Variants in PDE1C observed in about 807,000 individuals in gnomAD.
PDE1C encodes the protein dual specificity calcium/calmodulin-dependent 3',5'-cyclic nucleotide phosphodiesterase 1C.
In PDE1C, 62 loss-of-function variants were observed where a neutral mutation model predicts 93.1. That is an observed-to-expected ratio of 0.67 (90% CI 0.54 to 0.82). The LOEUF (loss-of-function observed/expected upper bound fraction) is 0.82. Among genes scored for constraint, PDE1C ranks in the 40% least tolerant of loss-of-function variants. The pLI, the probability that PDE1C is intolerant of heterozygous loss-of-function variation, is 0.00. For synonymous variants in PDE1C, 325 were observed against 310.1 expected (o/e 1.05, Z -0.50); for missense variants, 742 against 884.6 (o/e 0.84, Z 2.04).
chr7:32,338,778 C>T (rs553394868), intron 1 of PDE1C, among the ~76,000 whole-genome samples: 114 of 152,156 alleles, frequency 7.5e-4, no homozygotes, highest in African/African-American at 2.3e-3. Context: ...CCGAGGTGGG[C>T]GGATCACGAG....
chr7:31,993,091 T>C (rs1414671774), intron 2 of PDE1C, among the ~76,000 whole-genome samples: 3 of 152,216 alleles, frequency 2.0e-5, no homozygotes, highest in African/African-American at 7.2e-5. Context: ...TTTTGTGATG[T>C]CTTTCTTCCA....
At chr7:32,245,879 C>T (rs1173679641) in intron 1 of PDE1C, among the ~76,000 whole-genome samples, 1 of 152,098 alleles carries the variant, frequency 6.6e-6, no homozygotes, top group Non-Finnish European at 1.5e-5. Context: ...AGGACTCTGC[C>T]CTACTTATCC....
In PDE1C at chr7:32,097,260, T is replaced by C. The variant is rs148040189; in HGVS notation, c.308+72525A>G. ...AGAGTCAGTACAGTATTTGGCCAGA[T>C]GTCTAGGCACTGCACAGCCCAGTAA... On this transcript the variant is annotated intron_variant, in intron 3 of 18. Transcript: ENST00000396193. 6.3e-4 allele frequency among the ~76,000 whole-genome samples: 96 copies of C among 152,342 alleles called. 1 individual carries two copies. Among genetic ancestry groups the C allele is most frequent in the Admixed American group, 2.2e-3 (34 of 15,310 alleles).
intron 2 of PDE1C, among the ~76,000 whole-genome samples, chr7:32,033,128 G>A (rs893837074): frequency 3.9e-5 from 6 of 152,126 alleles, no homozygotes; most frequent in African/African-American, 1.4e-4. Flanking sequence ...AAGGCAGAAG[G>A]GAAGGGGCAG....
At chr7:32,282,159 A>AG (rs1200594691) in intron 1 of PDE1C, among the ~76,000 whole-genome samples, 1 of 145,910 alleles carries the variant, frequency 6.9e-6, no homozygotes, top group East Asian at 2.0e-4. Flanking sequence ...AAGTATAATA[A>AG]AAAAAAAAAA....
the PDE1C span, among the ~76,000 whole-genome samples, chr7:31,625,895 C>T: frequency 6.6e-6 from 1 of 151,670 alleles, no homozygotes; most frequent in African/African-American, 2.4e-5. Flanking sequence ...AAAATTGAAA[C>T]ATTGTATTTC....
At chr7:32,204,233 A>G (rs1427817326) in intron 2 of PDE1C, among the ~76,000 whole-genome samples, 1 of 152,244 alleles carries the variant, frequency 6.6e-6, no homozygotes, top group Non-Finnish European at 1.5e-5. Flanking sequence ...TATTCAGAGC[A>G]GCACTCAAAT....
intron 3 of PDE1C, among the ~76,000 whole-genome samples, chr7:32,122,743 A>G (rs1799366673): frequency 6.6e-6 from 1 of 152,194 alleles, no homozygotes; most frequent in African/African-American, 2.4e-5. Flanking sequence ...ATAGCACTAA[A>G]TGCCCACATC....
intron 3 of PDE1C, among the ~76,000 whole-genome samples, chr7:32,122,016 A>G (rs984782868): frequency 5.3e-5 from 8 of 152,220 alleles, no homozygotes; most frequent in Non-Finnish European, 1.2e-4. Context: ...AAATAAGGGG[A>G]AGGAGGAAAA....
intron 2 of PDE1C, among the ~76,000 whole-genome samples, chr7:31,931,491 G>A (rs1804248173): frequency 6.6e-6 from 1 of 152,104 alleles, no homozygotes; most frequent in Admixed American, 6.6e-5. Context: ...ATTCACAATT[G>A]CTACAAAGAA....
intron 1 of PDE1C, among the ~76,000 whole-genome samples, chr7:32,271,699 CCT>C (rs1235057609): frequency 3.3e-5 from 5 of 152,084 alleles, no homozygotes; most frequent in African/African-American, 1.2e-4. Context: ...TTGCACCATC[CCT>C]CTCAGTCTTA....
chr7:31,903,208 GA>G (rs1455757926), intron 2 of PDE1C, among the ~76,000 whole-genome samples: 1 of 151,720 alleles, frequency 6.6e-6, no homozygotes, highest in Non-Finnish European at 1.5e-5. Flanking sequence ...ATTTCTGAAA[GA>G]AAATTAAAAA....
intron 1 of PDE1C, among the ~76,000 whole-genome samples, chr7:32,227,836 A>T (rs770890681): frequency 3.9e-5 from 6 of 152,230 alleles, no homozygotes; most frequent in Non-Finnish European, 8.8e-5. Context: ...CCAGGCAGCC[A>T]TGCTATAAAG....
At chr7:31,732,698 G>A in the PDE1C span, among the ~76,000 whole-genome samples, 1 of 143,200 alleles carries the variant, frequency 7.0e-6, no homozygotes, top group African/African-American at 2.6e-5. Context: ...CTTCTCTGAA[G>A]AACCCTAATA....
the PDE1C span, among the ~76,000 whole-genome samples, chr7:31,637,810 C>T: frequency 0.021 from 3,247 of 152,198 alleles, 119 homozygotes; most frequent in African/African-American, 0.074. Context: ...AAGTCCTTGC[C>T]CATGCCTATG....
At chr7:31,976,889 T>C (rs555474700) in intron 2 of PDE1C, among the ~76,000 whole-genome samples, 28 of 152,174 alleles carry the variant, frequency 1.8e-4, no homozygotes, top group Non-Finnish European at 3.7e-4. Context: ...CCAATTCATA[T>C]GCTCAAGCCA....
At chr7:32,182,881 G>A (rs1803542732) in intron 2 of PDE1C, among the ~76,000 whole-genome samples, 1 of 152,176 alleles carries the variant, frequency 6.6e-6, no homozygotes. Context: ...CAGATGACAA[G>A]ATTGTATATC....
chr7:31,743,533 T>C, the PDE1C span, among the ~76,000 whole-genome samples: 4 of 151,482 alleles, frequency 2.6e-5, no homozygotes, highest in Non-Finnish European at 5.9e-5. Context: ...CACATCAGCA[T>C]TGAGAAGTTC....
chr7:32,126,238 TAGATA>T lies in PDE1C; in HGVS notation c.308+43542_308+43546del, dbSNP rs1563334336. On this transcript the variant is annotated intron_variant, in intron 3 of 18. Coordinates refer to the PDE1C transcript ENST00000396193. The stretch of plus-strand genomic sequence containing the variant: ...ATAGATAGATAGATAGATAGATAGA[TAGATA>T]GATTCATTTAAATATCAATGCAACT... 6.8e-3 allele frequency among the ~76,000 whole-genome samples: 1,038 copies of T among 152,092 alleles called. 15 individuals are homozygous for T. The highest frequency in any genetic ancestry group is 0.023 in the African/African-American group (945 of 41,470).
Sources: gnomAD v4.1 joint callset for allele counts (sites outside exome capture counted in the v4.1 genomes callset) on GRCh38, gnomAD v4.1.1 for gene constraint, MANE v1.5 for transcripts, NCBI Gene and HGNC (gene_info 2026-07-23, HGNC 2026-07-21) for gene names.